The following STAT3 variants were observed in gnomAD, a reference collection of about 807,000 sequenced individuals.
STAT3 encodes DNA-binding protein APRF.
Under a neutral mutation model 114.3 loss-of-function variants are expected in STAT3, and 7 were observed. The ratio of observed to expected loss-of-function variants is 0.06; its 90% CI spans 0.03 to 0.11. The LOEUF is 0.11. Ranked by LOEUF, STAT3 falls within the 10% of genes least tolerant of loss-of-function variation. The pLI is 1.00. For synonymous variants in STAT3, 331 were observed against 354.5 expected (o/e 0.93, Z 0.74); for missense variants, 364 against 960.9 (o/e 0.38, Z 8.21).
At chr17:42,316,567 TAAATA>T (rs1174047699) in intron 23 of STAT3, 1 of 1,288,216 alleles carries the variant, frequency 7.8e-7, no homozygotes, top group African/African-American at 1.5e-5. Flanking sequence ...TTTAGTGGGT[TAAATA>T]AAATATATTG....
In STAT3 at chr17:42,314,429, T is replaced by C. The variant is rs552123985; in HGVS notation, c.*1316A>G. On this transcript the variant is annotated 3_prime_UTR_variant, in exon 24 of 24. Transcript: ENST00000264657. ...CCTAAAACAAACAGGATGAGGGACC[T>C]TTAGACACGCAAGGAGACATGCCTC... 62 of 230,770 alleles carry C rather than the reference T, an allele frequency of 2.7e-4. No individual in the cohort carries two copies. The highest frequency in any genetic ancestry group is 2.5e-3 in the Admixed American group (44 of 17,668). 14.3% of individuals were successfully genotyped at this position (230,770 alleles called of 1,614,324 possible).
At chr17:42,336,620 C>T (rs1310771253) in intron 8 of STAT3, among the ~76,000 whole-genome samples, 2 of 151,884 alleles carry the variant, frequency 1.3e-5, no homozygotes, top group Admixed American at 1.3e-4. Flanking sequence ...AAAAAATGAT[C>T]CTAATATAAA....
At chr17:42,360,059 C>CAAAAAA (rs71157617) in intron 1 of STAT3, among the ~76,000 whole-genome samples, 1 of 47,468 alleles carries the variant, frequency 2.1e-5, no homozygotes, top group East Asian at 6.8e-4. Flanking sequence ...GACTCCGTCT[C>CAAAAAA]AAAAAAAAAA....
chr17:42,333,610 AC>A lies in STAT3; in HGVS notation c.1049+62del, dbSNP rs2082112715. The A allele has an allele frequency of 1.3e-6, 2 of 1,583,834 alleles. No homozygotes were observed. Among genetic ancestry groups the A allele is most frequent in the Non-Finnish European group, 1.7e-6 (2 of 1,154,168 alleles). ...AAGAATGACCCTGGCCACCAACTCT[AC>A]CCTCACCCTAACAGTGTCCCTCAGT... is the stretch of plus-strand genomic sequence containing the variant. On this transcript the variant is annotated intron_variant, in intron 10 of 23. Transcript: ENST00000264657. The surrounding 1 kb of genome is among the most constrained non-coding windows in gnomAD (Gnocchi z 5.2).
rs765648614 is a variant in STAT3, at chr17:42,323,247, C to A, written c.1748+13G>T. The A allele has an allele frequency of 6.2e-7, 1 of 1,614,210 alleles. No individual in the cohort carries two copies. Among genetic ancestry groups the A allele is most frequent in the African/African-American group, 1.3e-5 (1 of 75,060 alleles). On this transcript the variant is annotated intron_variant, in intron 19 of 23. Coordinates refer to ENST00000264657, the MANE Select transcript of STAT3 (RefSeq NM_139276.3). The stretch of plus-strand genomic sequence containing the variant: ...GGACTTGGTTACATCTGTGCACACT[C>A]TGTCCAACCTACCCTTCGTTCCAAA...
At chr17:42,366,694 A>G (rs1401933246) in intron 1 of STAT3, among the ~76,000 whole-genome samples, 2 of 123,902 alleles carry the variant, frequency 1.6e-5, no homozygotes, top group Non-Finnish European at 3.5e-5. Context: ...AAAAAAAAAA[A>G]GGAAGGTGAG....
At chr17:42,341,931 C>T (rs1185181385) in intron 4 of STAT3, among the ~76,000 whole-genome samples, 2 of 151,978 alleles carry the variant, frequency 1.3e-5, no homozygotes, top group African/African-American at 2.4e-5. Flanking sequence ...ACCCCTAATC[C>T]GTACGATTGA....
chr17:42,317,304 G>C lies in STAT3; in HGVS notation c.2102-80C>G, dbSNP rs1225761106. The C allele has an allele frequency of 5.3e-6, 8 of 1,509,328 alleles. No individual in the cohort carries two copies. The South Asian group carries it at 9.4e-5, about 18-fold the overall frequency. 93.5% of individuals were successfully genotyped at this position (1,509,328 alleles called of 1,614,324 possible). A position where few individuals can be genotyped will look rare whatever the true frequency, so the allele number is the denominator to read the frequency against. On this transcript the variant is annotated intron_variant, in intron 21 of 23. Coordinates refer to ENST00000264657, the MANE Select transcript of STAT3 (RefSeq NM_139276.3). ...AGAGCTGGAGGAAGCCATCTGCCTC[G>C]GCAGGACTGATTTGAAACTCACTCA...
At chr17:42,354,465 G>A (rs2083130043) in intron 1 of STAT3, among the ~76,000 whole-genome samples, 2 of 151,306 alleles carry the variant, frequency 1.3e-5, no homozygotes. Context: ...ATGGCACCCG[G>A]CCTGTGTTAT....
At chr17:42,370,090 C>G (rs1276559844) in intron 1 of STAT3, among the ~76,000 whole-genome samples, 1 of 152,010 alleles carries the variant, frequency 6.6e-6, no homozygotes, top group Non-Finnish European at 1.5e-5. Context: ...CCTGCCTCGC[C>G]TCCCGAGTAG....
At chr17:42,376,164 GAA>G (rs1320440730) in intron 1 of STAT3, among the ~76,000 whole-genome samples, 4 of 144,608 alleles carry the variant, frequency 2.8e-5, no homozygotes, top group East Asian at 2.1e-4. Context: ...AAAAAAAAGA[GAA>G]AGAATGATTG....
chr17:42,350,844 TAA>T (rs778099987), intron 1 of STAT3, among the ~76,000 whole-genome samples: 4 of 152,230 alleles, frequency 2.6e-5, no homozygotes, highest in South Asian at 4.1e-4. Context: ...CTTAAAAAGT[TAA>T]AAGAGGCTGG....
intron 1 of STAT3, among the ~76,000 whole-genome samples, chr17:42,356,002 T>C (rs1336574108): frequency 1.3e-5 from 2 of 152,170 alleles, no homozygotes; most frequent in African/African-American, 2.4e-5. Flanking sequence ...ACATTTTCCT[T>C]TGGGTACCAC....
chr17:42,383,400 A>G (rs1444041259), intron 1 of STAT3, among the ~76,000 whole-genome samples: 4 of 149,048 alleles, frequency 2.7e-5, no homozygotes, highest in Non-Finnish European at 5.9e-5. Flanking sequence ...AAGTGGTCTC[A>G]CTATGTTGCC....
At chr17:42,332,714 G>A (rs2082074796) in intron 10 of STAT3, among the ~76,000 whole-genome samples, 1 of 151,870 alleles carries the variant, frequency 6.6e-6, no homozygotes, top group African/African-American at 2.4e-5. Flanking sequence ...ATGGTGGAGT[G>A]TGCCGGTCCA....
intron 14 of STAT3, 148 bp from the exon 15 acceptor site, chr17:42,326,347 A>C: frequency 1.4e-6 from 1 of 691,288 alleles, no homozygotes; most frequent in Non-Finnish European, 2.6e-6. Context: ...ATCTCTGCAA[A>C]AAATACAAAA....
intron 20 of STAT3, 127 bp from the exon 21 acceptor site, chr17:42,322,621 A>G: frequency 9.7e-7 from 1 of 1,034,500 alleles, no homozygotes; most frequent in South Asian, 1.3e-5. Flanking sequence ...GACCCTGAAC[A>G]CCCTGTTCAG....
At position 42,323,163 on chromosome 17, in the gene STAT3, A is replaced by G; in HGVS notation, c.1749-20T>C. The G allele has an allele frequency of 6.2e-7, 1 of 1,614,164 alleles. No individual in the cohort carries two copies. The highest frequency in any genetic ancestry group is 8.5e-7 in the Non-Finnish European group (1 of 1,180,020). ...ATGTACCTGGAGCCAAGGAGGAGGA[A>G]CAATGTTGTTATTGCTAACAGGGCA... On this transcript the variant is annotated intron_variant, in intron 19 of 23. Transcript: ENST00000264657.
chr17:42,340,714 A>C (rs2144912778), intron 4 of STAT3, among the ~76,000 whole-genome samples: 1 of 152,250 alleles, frequency 6.6e-6, no homozygotes, highest in African/African-American at 2.4e-5. Flanking sequence ...AGTTTTGGGA[A>C]GGTGACCCAT....
Sources: allele counts gnomAD v4.1 joint callset (sites outside exome capture counted in the v4.1 genomes callset), GRCh38; gene constraint gnomAD v4.1.1; non-coding constraint Gnocchi (gnomAD v3.1); transcripts MANE v1.5; gene names NCBI Gene and HGNC (gene_info 2026-07-23, HGNC 2026-07-21).